Variants in OSBP2 observed in about 807,000 individuals in gnomAD.
The protein encoded by OSBP2 is oxysterol-binding protein 2.
In OSBP2, 66 loss-of-function variants were observed where a neutral mutation model predicts 96.0. That is an observed-to-expected ratio of 0.69 (90% CI 0.56 to 0.84). OSBP2 has a LOEUF of 0.84. Among genes scored for constraint, OSBP2 ranks in the 40% least tolerant of loss-of-function variants. The probability of loss-of-function intolerance (pLI) is 0.00; values close to 1 mark genes in which losing one functional copy is unlikely to be tolerated. For missense variants in OSBP2, 1,038 were observed against 1,222.7 expected, an observed-to-expected ratio of 0.85 and a Z score of 2.25; for synonymous variants, 525 against 520.9, an observed-to-expected ratio of 1.01 and a Z score of -0.11.
intron 3 of OSBP2, among the ~76,000 whole-genome samples, chr22:30,876,376 A>G (rs2147123276): frequency 6.6e-6 from 1 of 152,338 alleles, no homozygotes; most frequent in Admixed American, 6.5e-5. Flanking sequence ...TCATTGGGCA[A>G]GGCTTGTCAA....
chr22:30,735,410 C>CTTTTT (rs774749546), intron 1 of OSBP2, among the ~76,000 whole-genome samples: 112 of 100,610 alleles, frequency 1.1e-3, no homozygotes, highest in East Asian at 1.9e-3. Context: ...TCTTCTCTCT[C>CTTTTT]TTTTTTTTTT....
chr22:30,891,452 G>A (rs1035459682), intron 8 of OSBP2, among the ~76,000 whole-genome samples: 2 of 152,326 alleles, frequency 1.3e-5, no homozygotes, highest in South Asian at 2.1e-4. Flanking sequence ...CTCAGCAGTG[G>A]CAGCCCCATG....
intron 2 of OSBP2, among the ~76,000 whole-genome samples, chr22:30,776,744 C>T: frequency 6.6e-6 from 1 of 152,114 alleles, no homozygotes; most frequent in East Asian, 1.9e-4. Context: ...TTTACACTCC[C>T]CTTGGCAGAA....
At chr22:30,859,959 G>A (rs74704202) in intron 2 of OSBP2, among the ~76,000 whole-genome samples, 2,106 of 152,228 alleles carry the variant, frequency 0.014, 34 homozygotes, top group African/African-American at 0.044. Context: ...AGAGCTAGGA[G>A]GCAGCACCCA....
intron 8 of OSBP2, among the ~76,000 whole-genome samples, chr22:30,892,519 G>A (rs2039971241): frequency 6.6e-6 from 1 of 152,018 alleles, no homozygotes; most frequent in African/African-American, 2.4e-5. Flanking sequence ...GTAGACTTAG[G>A]AGAGGGAAGC....
intron 2 of OSBP2, among the ~76,000 whole-genome samples, chr22:30,785,418 T>A (rs953535090): frequency 5.9e-5 from 9 of 151,532 alleles, no homozygotes; most frequent in Non-Finnish European, 1.3e-4. Flanking sequence ...AAAAAAAAAA[T>A]TAGCTGGACA....
chr22:30,903,955 G>A (rs1318119628), intron 12 of OSBP2, among the ~76,000 whole-genome samples: 1 of 152,220 alleles, frequency 6.6e-6, no homozygotes, highest in East Asian at 1.9e-4. Flanking sequence ...AGCTGTCTAG[G>A]TCTGAGGCTG....
At chr22:30,735,513 T>C (rs2089838529) in intron 1 of OSBP2, among the ~76,000 whole-genome samples, 1 of 149,450 alleles carries the variant, frequency 6.7e-6, no homozygotes, top group South Asian at 2.2e-4. Context: ...GGTTTCACCA[T>C]GTTGCCGAGA....
intron 2 of OSBP2, among the ~76,000 whole-genome samples, chr22:30,834,758 A>G (rs1164079705): frequency 1.3e-5 from 2 of 151,768 alleles, no homozygotes; most frequent in Non-Finnish European, 2.9e-5. Context: ...CTTATCAGAT[A>G]CATTTTCAGA....
chr22:30,776,387 C>T (rs2090437273), intron 2 of OSBP2, among the ~76,000 whole-genome samples: 1 of 152,232 alleles, frequency 6.6e-6, no homozygotes, highest in East Asian at 1.9e-4. Context: ...TGCCTCCCAA[C>T]ATGCTGGGAT....
chr22:30,781,277 C>T lies in OSBP2; in HGVS notation c.853+39908C>T, dbSNP rs368641357. On this transcript the variant is annotated intron_variant, in intron 2 of 13. Coordinates refer to ENST00000332585, the MANE Select transcript of OSBP2 (RefSeq NM_030758.4). ...GATTACAGACATGAGCCACCACACC[C>T]GGCCGATGTTTTTGTTTTTTACATC... Among the ~76,000 whole-genome samples, 29 of 152,046 alleles carry T rather than the reference C, an allele frequency of 1.9e-4. No individual in the cohort carries two copies. The South Asian group carries it at 6.0e-3, about 32-fold the overall frequency.
intron 2 of OSBP2, among the ~76,000 whole-genome samples, chr22:30,856,698 A>G (rs1311057702): frequency 3.9e-5 from 6 of 151,920 alleles, no homozygotes; most frequent in Non-Finnish European, 8.8e-5. Flanking sequence ...AGAGCCCTTC[A>G]TTTTTGAGGA....
chr22:30,728,518 A>T (rs2089691711), intron 1 of OSBP2, among the ~76,000 whole-genome samples: 2 of 151,894 alleles, frequency 1.3e-5, no homozygotes, highest in African/African-American at 4.8e-5. Context: ...TTTTGTAGAG[A>T]CAGGGTCTAG....
intron 2 of OSBP2, chr22:30,822,476 C>G (rs1030985929): frequency 8.7e-7 from 1 of 1,143,684 alleles, no homozygotes; most frequent in African/African-American, 1.7e-5. Flanking sequence ...GGGTGGCGGG[C>G]GGCAGTGGTG....
intron 2 of OSBP2, among the ~76,000 whole-genome samples, chr22:30,791,120 T>TG (rs950531164): frequency 6.7e-6 from 1 of 150,106 alleles, no homozygotes; most frequent in African/African-American, 2.5e-5. Flanking sequence ...AGTAGCTGAG[T>TG]GCCCACCACC....
At chr22:30,729,036 A>G (rs1218841035) in intron 1 of OSBP2, among the ~76,000 whole-genome samples, 2 of 152,210 alleles carry the variant, frequency 1.3e-5, no homozygotes, top group Non-Finnish European at 2.9e-5. Flanking sequence ...TTGCTTAATC[A>G]TGAGACACAT....
intron 1 of OSBP2, among the ~76,000 whole-genome samples, chr22:30,700,377 A>G (rs1200813366): frequency 1.3e-5 from 2 of 151,260 alleles, no homozygotes; most frequent in Non-Finnish European, 2.9e-5. Context: ...CTTTTTTTTT[A>G]ATTGCGGGAA....
chr22:30,717,090 T>TTTTGTGTGTG (rs71328866), intron 1 of OSBP2, among the ~76,000 whole-genome samples: 13 of 118,414 alleles, frequency 1.1e-4, no homozygotes, highest in Admixed American at 4.2e-4. Flanking sequence ...TTTACTGTTT[T>TTTTGTGTGTG]TGTGTGTGTG....
Position 30,743,780 on chromosome 22 carries a change from G to C in OSBP2, c.853+2411G>C, listed in dbSNP as rs530372913. The stretch of plus-strand genomic sequence containing the variant: ...TCATGGGATTAGTCATCCGGCAACA[G>C]TTTTCCTACGACAGCCAGTGCGAGG... On this transcript the variant is annotated intron_variant, in intron 2 of 13. Transcript: ENST00000332585. Among the ~76,000 whole-genome samples the C allele has an allele frequency of 2.0e-5, 3 of 152,334 alleles. No individual in the cohort carries two copies. The South Asian group carries it at 6.2e-4, about 32-fold the overall frequency.
Sources: gnomAD v4.1 joint callset for allele counts (sites outside exome capture counted in the v4.1 genomes callset) on GRCh38, gnomAD v4.1.1 for gene constraint, MANE v1.5 for transcripts, NCBI Gene and HGNC (gene_info 2026-07-23, HGNC 2026-07-21) for gene names.